ENPEP: variants seen among roughly 807,000 people sequenced by gnomAD.
The protein encoded by ENPEP is AP-A.
ENPEP carries 103 observed loss-of-function variants against 114.5 expected under a neutral mutation model. The ratio of observed to expected loss-of-function variants is 0.90; its 90% CI spans 0.77 to 1.06. The LOEUF (loss-of-function observed/expected upper bound fraction) is 1.06. Ranked by LOEUF, ENPEP falls within the 50% of genes least tolerant of loss-of-function variation. The pLI is 0.00. For missense variants in ENPEP, 1,196 were observed against 1,161.3 expected (o/e 1.03, Z -0.43); for synonymous variants, 420 against 422.0 (o/e 1.00, Z 0.06).
At chr4:110,519,635 A>G (rs892809975) in intron 8 of ENPEP, 92 of 186,920 alleles carry the variant, frequency 4.9e-4, no homozygotes, top group African/African-American at 2.2e-3. Flanking sequence ...CACCACCACC[A>G]CCACCATCAT....
At chr4:110,514,105 A>G (rs1389198828) in intron 7 of ENPEP, among the ~76,000 whole-genome samples, 1 of 152,174 alleles carries the variant, frequency 6.6e-6, no homozygotes, top group Non-Finnish European at 1.5e-5. Flanking sequence ...TTTATGTGAC[A>G]CATTCTGTCC....
chr4:110,529,095 C>T (rs1158440149), intron 10 of ENPEP, among the ~76,000 whole-genome samples: 1 of 152,166 alleles, frequency 6.6e-6, no homozygotes, highest in Non-Finnish European at 1.5e-5. Flanking sequence ...ATTAGGAGAA[C>T]AGCTTCTGCC....
intron 3 of ENPEP, among the ~76,000 whole-genome samples, chr4:110,505,865 G>A (rs1362641258): frequency 2.0e-5 from 3 of 152,124 alleles, no homozygotes; most frequent in Admixed American, 6.5e-5. Flanking sequence ...CTACTTTCAC[G>A]ACACTATGTT....
intron 11 of ENPEP, among the ~76,000 whole-genome samples, chr4:110,538,941 A>G (rs554156480): frequency 1.1e-4 from 17 of 152,296 alleles, no homozygotes; most frequent in African/African-American, 4.1e-4. Context: ...TGGAGCAGTC[A>G]TAACACACAC....
chr4:110,547,940 T>C (rs1727127974), intron 13 of ENPEP, among the ~76,000 whole-genome samples: 1 of 152,038 alleles, frequency 6.6e-6, no homozygotes, highest in African/African-American at 2.4e-5. Context: ...TACATCTTAA[T>C]GCCTTTCTTC....
At chr4:110,555,425 A>G (rs1727435379) in intron 18 of ENPEP, among the ~76,000 whole-genome samples, 1 of 152,076 alleles carries the variant, frequency 6.6e-6, no homozygotes, top group Non-Finnish European at 1.5e-5. Flanking sequence ...TGAACAATTT[A>G]TGGTCATCCT....
Position 110,563,142 on chromosome 4 carries a change from C to G in ENPEP, c.*1584C>G, listed in dbSNP as rs1215963153. 6.6e-6 allele frequency: 1 copy of G among 151,756 alleles called. No homozygotes were observed. The highest frequency in any genetic ancestry group is 1.5e-5 in the Non-Finnish European group (1 of 67,878). The allele number at this position is 151,756 out of a possible 1,614,324, so 9.4% of individuals were successfully genotyped here. A position where few individuals can be genotyped will look rare whatever the true frequency, so the allele number is the denominator to read the frequency against. ...TAACATCATAACTTACCAGAAAAACCCCACTATCCTCATAAGATTAACTTA... is the reference window on the plus strand; with the variant it reads ...TAACATCATAACTTACCAGAAAAACGCCACTATCCTCATAAGATTAACTTA... On this transcript the variant is annotated 3_prime_UTR_variant, in exon 20 of 20. Coordinates refer to ENST00000265162, the MANE Select transcript of ENPEP (RefSeq NM_001977.4).
Position 110,542,825 on chromosome 4 carries a change from C to T in ENPEP, c.1882C>T (p.Arg628Cys), listed in dbSNP as rs149676891. The stretch of plus-strand genomic sequence containing the variant: ...AAACCCAGATCATATTGGGTTTTAT[C>T]GTGTAAATTATGAAGTAGCAACTTG... ...KINPDHIGFY[R>C]VNYEVATWDS... is the part of the protein sequence containing the mutation. The change falls in exon 12 of 20, where the codon CGT becomes TGT. Residue 628 changes from arginine (R) to cysteine (C), a missense_variant. Arg to Cys is a radical substitution (Grantham distance 180). Coordinates refer to ENST00000265162, the MANE Select transcript of ENPEP (RefSeq NM_001977.4). 7.4e-6 allele frequency: 12 copies of T among 1,613,000 alleles called. No individual in the cohort carries two copies. The highest frequency in any genetic ancestry group is 2.7e-5 in the African/African-American group (2 of 74,840).
Position 110,480,457 on chromosome 4 carries a change from G to A in ENPEP, c.644+3399G>A, listed in dbSNP as rs148320993. ...TCTTTCATACTATAGAGTGAGCTTC[G>A]TCATATGTGACGTTTGTATCATTTT... On this transcript the variant is annotated intron_variant, in intron 1 of 19. Coordinates refer to ENST00000265162, the MANE Select transcript of ENPEP (RefSeq NM_001977.4). Among the ~76,000 whole-genome samples the A allele has an allele frequency of 3.4e-3, 518 of 152,174 alleles. 8 individuals are homozygous for A. Among genetic ancestry groups the A allele is most frequent in the East Asian group, 4.1e-3 (21 of 5,182 alleles).
chr4:110,522,285 C>T (rs955002565), intron 10 of ENPEP, among the ~76,000 whole-genome samples: 2 of 151,898 alleles, frequency 1.3e-5, no homozygotes, highest in African/African-American at 2.4e-5. Context: ...GGGTTCAAGC[C>T]GTTCTCCTCC....
intron 10 of ENPEP, among the ~76,000 whole-genome samples, chr4:110,521,992 C>T (rs1459761873): frequency 2.0e-5 from 3 of 151,790 alleles, no homozygotes; most frequent in Non-Finnish European, 4.4e-5. Flanking sequence ...AATTCTCCTG[C>T]CTCAACCTCC....
In ENPEP at chr4:110,520,059, G is replaced by A; in HGVS notation, c.1561G>A (p.Ala521Thr). Residue 521 changes from alanine to threonine, a missense_variant, in exon 9 of 20, where the codon GCA (alanine) becomes ACA (threonine). Transcript: ENST00000265162. Reference sequence around the variant, plus strand: ...GAATGCAAAAACTTCTGATTTTTGGGCAGCACTGGAAGAGGTAAGGAAGAG... The same window carrying A: ...GAATGCAAAAACTTCTGATTTTTGGACAGCACTGGAAGAGGTAAGGAAGAG... Reference protein sequence around the residue: ...FKNAKTSDFWAALEEASRLPV... With the variant: ...FKNAKTSDFWTALEEASRLPV... The A allele has an allele frequency of 3.1e-6, 5 of 1,613,928 alleles. No homozygotes were observed. In the South Asian group the frequency reaches 4.4e-5, roughly 14 times the overall value.
intron 6 of ENPEP, among the ~76,000 whole-genome samples, chr4:110,511,294 C>A (rs974219818): frequency 1.3e-5 from 2 of 152,150 alleles, no homozygotes; most frequent in Non-Finnish European, 2.9e-5. Context: ...GAACTATTGA[C>A]ATTTTGGAGT....
chr4:110,515,780 A>T, intron 8 of ENPEP: 1 of 463,552 alleles, frequency 2.2e-6, no homozygotes, highest in Non-Finnish European at 4.3e-6. Context: ...TCTTGCAGTT[A>T]TGGAGGCTGG....
chr4:110,542,617 G>T, intron 11 of ENPEP, 134 bp from the exon 12 acceptor site: 1 of 817,680 alleles, frequency 1.2e-6, no homozygotes, highest in Non-Finnish European at 1.8e-6. Flanking sequence ...TTTGGGTTTT[G>T]GATCCAAATC....
intron 17 of ENPEP, among the ~76,000 whole-genome samples, chr4:110,552,207 A>G (rs1727316171): frequency 6.6e-6 from 1 of 152,140 alleles, no homozygotes; most frequent in Non-Finnish European, 1.5e-5. Flanking sequence ...CCTACGATGT[A>G]CTGTCACTCT....
At chr4:110,559,376 G>GAAA (rs33940498) in intron 18 of ENPEP, among the ~76,000 whole-genome samples, 1 of 140,418 alleles carries the variant, frequency 7.1e-6, no homozygotes, top group African/African-American at 2.6e-5. Context: ...CATGTGTGCA[G>GAAA]AAAAAAAAAA....
chr4:110,479,280 T>A (rs149661870), intron 1 of ENPEP, among the ~76,000 whole-genome samples: 180 of 152,332 alleles, frequency 1.2e-3, no homozygotes, highest in African/African-American at 4.2e-3. Context: ...ATTGTATGAC[T>A]ACAATGTAGT....
At chr4:110,559,553 A>G (rs1727608387) in intron 18 of ENPEP, 94 bp from the exon 19 acceptor site, 5 of 903,866 alleles carry the variant, frequency 5.5e-6, no homozygotes, top group Non-Finnish European at 8.7e-6. Context: ...GTTACTTTTA[A>G]AAACTATGAA....
Sources: allele counts gnomAD v4.1 joint callset (sites outside exome capture counted in the v4.1 genomes callset), GRCh38; gene constraint gnomAD v4.1.1; transcripts MANE v1.5; gene names NCBI Gene and HGNC (gene_info 2026-07-23, HGNC 2026-07-21).